Variants in EMP1 observed in about 807,000 individuals in gnomAD.
The protein encoded by EMP1 is epithelial membrane protein 1.
EMP1 carries 5 observed loss-of-function variants against 15.7 expected under a neutral mutation model. The observed-to-expected ratio is 0.32, with a 90% CI of 0.17 to 0.67. EMP1 has a LOEUF of 0.67. Ranked by LOEUF, EMP1 falls within the 30% of genes least tolerant of loss-of-function variation. The pLI is 0.74. For missense variants in EMP1, 166 were observed against 194.2 expected, an observed-to-expected ratio of 0.85 and a Z score of 0.86; for synonymous variants, 78 against 76.7, an observed-to-expected ratio of 1.02 and a Z score of -0.09.
chr12:13,202,492 A>G (rs2121146257), intron 1 of EMP1, among the ~76,000 whole-genome samples: 1 of 152,278 alleles, frequency 6.6e-6, no homozygotes, highest in Admixed American at 6.5e-5. Context: ...ACCCTGAAAC[A>G]ACTAGTTTGG....
intron 1 of EMP1, among the ~76,000 whole-genome samples, chr12:13,205,374 A>C (rs1864102521): frequency 6.6e-6 from 1 of 152,226 alleles, no homozygotes; most frequent in Non-Finnish European, 1.5e-5. Context: ...ACATATTTAC[A>C]TAGGTATTTA....
chr12:13,211,554 C>G lies in EMP1; in HGVS notation c.44C>G (p.Thr15Ser), dbSNP rs747959879. The G allele has an allele frequency of 5.2e-5, 84 of 1,613,676 alleles. No individual in the cohort carries two copies. The East Asian group carries it at 1.9e-3, about 36-fold the overall frequency. The change falls in exon 2 of 5, where the codon ACT (threonine) becomes AGT (serine). Residue 15 changes from threonine to serine, a missense_variant. Transcript: ENST00000256951. The surrounding 1 kb of genome is among the most constrained non-coding windows in gnomAD (Gnocchi z 4.7). Reference protein sequence around the residue: ...LAGIFVVHIATVIMLFVSTIA... With the variant: ...LAGIFVVHIASVIMLFVSTIA... ...GGTATCTTTGTGGTCCACATCGCTACTGTTATTATGCTATTTGTTAGCACC... is the reference window on the plus strand; with the variant it reads ...GGTATCTTTGTGGTCCACATCGCTAGTGTTATTATGCTATTTGTTAGCACC...
chr12:13,199,964 CTTTT>C (rs60389913), intron 1 of EMP1, among the ~76,000 whole-genome samples: 9 of 107,590 alleles, frequency 8.4e-5, no homozygotes, highest in Non-Finnish European at 1.2e-4. Flanking sequence ...TCTTCTTCTT[CTTTT>C]TTTTTTTTTT....
chr12:13,204,581 G>GC, intron 1 of EMP1, among the ~76,000 whole-genome samples: 1 of 152,176 alleles, frequency 6.6e-6, no homozygotes, highest in Non-Finnish European at 1.5e-5. Context: ...GTGCCACCCT[G>GC]CGTGGTGTCT....
rs375144545 is a variant in EMP1, at chr12:13,209,388, A to G, written c.-42-2081A>G. The G allele has an allele frequency of 9.2e-5, 14 of 152,284 alleles. No homozygotes were observed. The South Asian group carries it at 1.7e-3, about 18-fold the overall frequency. 9.4% of individuals were successfully genotyped at this position (152,284 alleles called of 1,614,324 possible). On this transcript the variant is annotated intron_variant, in intron 1 of 4. Coordinates refer to ENST00000256951, the MANE Select transcript of EMP1 (RefSeq NM_001423.3). ...CCCCTTAAGGGGCAAGGGTTAGACA[A>G]ATGACAATTTCTAAGAGGACCGAAA...
In EMP1 at chr12:13,214,661, C is replaced by T. The variant is rs762958576; in HGVS notation, c.444C>T (p.Gly148=). Residue 148 remains glycine, a synonymous_variant, in exon 5 of 5, where the codon GGC becomes GGT. Coordinates refer to ENST00000256951, the MANE Select transcript of EMP1 (RefSeq NM_001423.3). ...GCTTCTGCTTCAGCTTCATCATCGG[C>T]GTTCTCTATCTGGTCCTGAGAAAGA... ...WICFCFSFII[G]VLYLVLRKK 50 of 1,613,224 alleles carry T rather than the reference C, an allele frequency of 3.1e-5. No homozygotes were observed. The highest frequency in any genetic ancestry group is 4.5e-5 in the East Asian group (2 of 44,860).
intron 1 of EMP1, among the ~76,000 whole-genome samples, chr12:13,197,916 CCTTCT>C (rs553279957): frequency 1.8e-3 from 271 of 152,184 alleles, no homozygotes; most frequent in Non-Finnish European, 2.1e-3. Flanking sequence ...ATTCCAGATG[CCTTCT>C]CTTGGCCAGA....
At chr12:13,214,512 C>A in intron 4 of EMP1, 22 bp from the exon 5 acceptor site, 13 of 1,606,982 alleles carry the variant, frequency 8.1e-6, no homozygotes, top group Non-Finnish European at 1.1e-5. Flanking sequence ...AACACACCGA[C>A]AAATCTCCTT....
intron 1 of EMP1, among the ~76,000 whole-genome samples, chr12:13,200,795 T>C (rs1864058643): frequency 6.6e-6 from 1 of 152,246 alleles, no homozygotes; most frequent in Non-Finnish European, 1.5e-5. Context: ...CAAGGTTTTC[T>C]TTTGTGTTGT....
chr12:13,202,261 G>C (rs1051354575), intron 1 of EMP1, among the ~76,000 whole-genome samples: 6 of 152,138 alleles, frequency 3.9e-5, no homozygotes, highest in African/African-American at 1.4e-4. Flanking sequence ...TGTCGCATTG[G>C]CTACTTCTTG....
intron 1 of EMP1, among the ~76,000 whole-genome samples, chr12:13,200,207 T>C (rs1178585913): frequency 6.6e-6 from 1 of 152,222 alleles, no homozygotes; most frequent in East Asian, 1.9e-4. Context: ...CCAGTGTTGC[T>C]ACCTACTAGG....
chr12:13,197,705 A>G (rs1208507588), intron 1 of EMP1, among the ~76,000 whole-genome samples: 1 of 151,842 alleles, frequency 6.6e-6, no homozygotes, highest in Non-Finnish European at 1.5e-5. Context: ...AATCCGGGAG[A>G]TGGTGGTTGC....
At position 13,217,185 on chromosome 12, in the gene EMP1, T is replaced by A. The variant is rs1864222638; in HGVS notation, c.*2494T>A. ...CACCTATTTGTAGCAGCCCATTCATTACATAAACCAGGGCATACCTGTGTG... is the reference window on the plus strand; with the variant it reads ...CACCTATTTGTAGCAGCCCATTCATAACATAAACCAGGGCATACCTGTGTG... On this transcript the variant is annotated 3_prime_UTR_variant, in exon 5 of 5. Transcript: ENST00000256951. 1 of 152,230 alleles carries A rather than the reference T, an allele frequency of 6.6e-6. No homozygotes were observed. 9.4% of individuals were successfully genotyped at this position (152,230 alleles called of 1,614,324 possible). A position where few individuals can be genotyped will look rare whatever the true frequency, so the allele number is the denominator to read the frequency against.
intron 1 of EMP1, among the ~76,000 whole-genome samples, chr12:13,198,003 G>A (rs1864029629): frequency 6.6e-6 from 1 of 152,118 alleles, no homozygotes; most frequent in African/African-American, 2.4e-5. Context: ...CTTCATCTGT[G>A]CCTGTTAAAA....
At chr12:13,198,978 CAG>C (rs758832359) in intron 1 of EMP1, among the ~76,000 whole-genome samples, 9 of 151,736 alleles carry the variant, frequency 5.9e-5, no homozygotes, top group Non-Finnish European at 1.3e-4. Context: ...CTCCCACCCT[CAG>C]GGGCAGATCC....
chr12:13,202,179 C>G (rs374761335), intron 1 of EMP1, among the ~76,000 whole-genome samples: 2 of 152,162 alleles, frequency 1.3e-5, no homozygotes, highest in East Asian at 3.9e-4. Context: ...TGTTTGGGGA[C>G]CACCCACCCT....
chr12:13,211,736 T>C lies in EMP1; in HGVS notation c.78+148T>C. 1 of 779,372 alleles carries C rather than the reference T, an allele frequency of 1.3e-6. No individual in the cohort carries two copies. The highest frequency in any genetic ancestry group is 2.5e-5 in the East Asian group (1 of 39,762). 48.3% of individuals were successfully genotyped at this position (779,372 alleles called of 1,614,324 possible). A position where few individuals can be genotyped will look rare whatever the true frequency, so the allele number is the denominator to read the frequency against. ...AAACAAAATAAACACACGCTTGCCC[T>C]TCAAACAATTAAATAACAGGAGGAT... On this transcript the variant is annotated intron_variant, in intron 2 of 4. Transcript: ENST00000256951. The surrounding 1 kb of genome is among the most constrained non-coding windows in gnomAD (Gnocchi z 4.7).
rs1456471981 is a variant in EMP1 at position 13,211,728 on chromosome 12, G to T, written c.78+140G>T. 7 of 847,450 alleles carry T rather than the reference G, an allele frequency of 8.3e-6. No individual in the cohort carries two copies. The highest frequency in any genetic ancestry group is 2.5e-5 in the East Asian group (1 of 40,716). The allele number at this position is 847,450 out of a possible 1,614,324, so 52.5% of individuals were successfully genotyped here. ...TTGTGGGAAAACAAAATAAACACACGCTTGCCCTTCAAACAATTAAATAAC... is the reference window on the plus strand; with the variant it reads ...TTGTGGGAAAACAAAATAAACACACTCTTGCCCTTCAAACAATTAAATAAC... On this transcript the variant is annotated intron_variant, in intron 2 of 4. Coordinates refer to ENST00000256951, the MANE Select transcript of EMP1 (RefSeq NM_001423.3). The surrounding 1 kb of genome is among the most constrained non-coding windows in gnomAD (Gnocchi z 4.7).
At position 13,211,710 on chromosome 12, in the gene EMP1, A is replaced by G; in HGVS notation, c.78+122A>G. 1.9e-6 allele frequency: 2 copies of G among 1,027,610 alleles called. No homozygotes were observed. The highest frequency in any genetic ancestry group is 3.2e-5 in the African/African-American group (2 of 62,338). The allele number at this position is 1,027,610 out of a possible 1,614,324, so 63.7% of individuals were successfully genotyped here. ...CATGAACTTACAGCTCAGTTGTGGG[A>G]AAACAAAATAAACACACGCTTGCCC... On this transcript the variant is annotated intron_variant, in intron 2 of 4. Coordinates refer to ENST00000256951, the MANE Select transcript of EMP1 (RefSeq NM_001423.3). This position sits in a 1 kb window ranked among gnomAD's most constrained non-coding sequence, Gnocchi z 4.7.
Sources: allele counts gnomAD v4.1 joint callset (sites outside exome capture counted in the v4.1 genomes callset), GRCh38; gene constraint gnomAD v4.1.1; non-coding constraint Gnocchi (gnomAD v3.1); transcripts MANE v1.5; gene names NCBI Gene and HGNC (gene_info 2026-07-23, HGNC 2026-07-21).